Variants in NAALADL2 observed in about 807,000 individuals in gnomAD.
NAALADL2 encodes the protein N-acetylated alpha-linked acidic dipeptidase like 2, also known as inactive N-acetylated-alpha-linked acidic dipeptidase-like protein 2.
NAALADL2 carries 76 observed loss-of-function variants against 87.2 expected under a neutral mutation model. The observed-to-expected ratio is 0.87, with a 90% confidence interval of 0.72 to 1.05. NAALADL2 has a LOEUF of 1.05. NAALADL2 is among the 50% of genes least tolerant of loss of function. The pLI is 0.00. For synonymous variants in NAALADL2, 354 were observed against 331.0 expected, an observed-to-expected ratio of 1.07 and a Z score of -0.75; for missense variants, 1,089 against 945.8, an observed-to-expected ratio of 1.15 and a Z score of -1.99.
chr3:174,518,653 C>T (rs1184187708), intron 1 of NAALADL2, among the ~76,000 whole-genome samples: 2 of 152,082 alleles, frequency 1.3e-5, no homozygotes, highest in East Asian at 1.9e-4. Flanking sequence ...CATCTCTTGC[C>T]ATTCCTCTTT....
At chr3:174,541,725 A>C (rs1722247858) in intron 1 of NAALADL2, among the ~76,000 whole-genome samples, 1 of 152,168 alleles carries the variant, frequency 6.6e-6, no homozygotes, top group Non-Finnish European at 1.5e-5. Flanking sequence ...AATAGGCAGT[A>C]AAAAATAAAA....
At chr3:174,829,044 T>C (rs1052853016) in intron 3 of NAALADL2, among the ~76,000 whole-genome samples, 18 of 152,204 alleles carry the variant, frequency 1.2e-4, no homozygotes, top group Non-Finnish European at 4.4e-5. Flanking sequence ...GAGTTACATA[T>C]TGAACTATTA....
intron 2 of NAALADL2, among the ~76,000 whole-genome samples, chr3:174,589,078 G>A (rs545631350): frequency 5.9e-5 from 9 of 152,068 alleles, no homozygotes; most frequent in African/African-American, 1.2e-4. Context: ...CAGCAATGGC[G>A]GACACCCCTC....
chr3:175,779,047 G>T (rs959149886), intron 13 of NAALADL2, among the ~76,000 whole-genome samples: 1 of 152,176 alleles, frequency 6.6e-6, no homozygotes, highest in Non-Finnish European at 1.5e-5. Context: ...GTGGAAAAGC[G>T]GCAAGACAGA....
chr3:174,871,758 G>A (rs951469653), intron 1 of NAALADL2, among the ~76,000 whole-genome samples: 1 of 152,128 alleles, frequency 6.6e-6, no homozygotes, highest in Non-Finnish European at 1.5e-5. Flanking sequence ...AGTTAGCTGG[G>A]CGTGGTGGTG....
At chr3:175,101,840 A>G (rs1353098648) in intron 2 of NAALADL2, among the ~76,000 whole-genome samples, 1 of 150,868 alleles carries the variant, frequency 6.6e-6, no homozygotes, top group Non-Finnish European at 1.5e-5. Context: ...TTTTCTAATT[A>G]TGGCTAATAT....
intron 1 of NAALADL2, among the ~76,000 whole-genome samples, chr3:174,869,186 A>G (rs1727494555): frequency 6.6e-6 from 1 of 152,180 alleles, no homozygotes; most frequent in Non-Finnish European, 1.5e-5. Context: ...CTGGAGAATC[A>G]CTGGGAATGA....
chr3:175,085,260 T>G (rs907398902), intron 1 of NAALADL2, among the ~76,000 whole-genome samples: 1 of 152,192 alleles, frequency 6.6e-6, no homozygotes, highest in Non-Finnish European at 1.5e-5. Context: ...GTCGTTCTGA[T>G]GTTAACTTAC....
At chr3:174,767,209 T>C (rs1281690169) in intron 3 of NAALADL2, among the ~76,000 whole-genome samples, 1 of 152,170 alleles carries the variant, frequency 6.6e-6, no homozygotes, top group Non-Finnish European at 1.5e-5. Context: ...TAACAGTTGA[T>C]TGCAATGAAG....
intron 1 of NAALADL2, among the ~76,000 whole-genome samples, chr3:174,904,395 A>T (rs1012416567): frequency 8.6e-5 from 13 of 151,898 alleles, no homozygotes; most frequent in Non-Finnish European, 8.8e-5. Context: ...TATTTATCAG[A>T]TGGAAAGTGC....
chr3:175,690,333 G>A (rs896093698), intron 11 of NAALADL2, among the ~76,000 whole-genome samples: 2 of 151,944 alleles, frequency 1.3e-5, no homozygotes, highest in Non-Finnish European at 2.9e-5. Flanking sequence ...GTTAAGAGAG[G>A]AGAGAAATGA....
At chr3:175,122,459 T>C (rs773089939) in intron 2 of NAALADL2, among the ~76,000 whole-genome samples, 9 of 151,850 alleles carry the variant, frequency 5.9e-5, no homozygotes, top group Non-Finnish European at 1.0e-4. Flanking sequence ...ATAGGTGTAA[T>C]GAGACATTAA....
At chr3:174,556,369 TG>T (rs1386751499) in intron 2 of NAALADL2, among the ~76,000 whole-genome samples, 1 of 152,226 alleles carries the variant, frequency 6.6e-6, no homozygotes, top group Non-Finnish European at 1.5e-5. Context: ...GTAGCAGTTC[TG>T]TTCTTTTGCC....
At chr3:175,624,314 C>T (rs1374618868) in intron 10 of NAALADL2, among the ~76,000 whole-genome samples, 1 of 151,944 alleles carries the variant, frequency 6.6e-6, no homozygotes, top group East Asian at 1.9e-4. Flanking sequence ...GATCTTTATG[C>T]CAGACATTCC....
At chr3:175,224,307 G>T (rs1400910901) in intron 2 of NAALADL2, among the ~76,000 whole-genome samples, 2 of 152,116 alleles carry the variant, frequency 1.3e-5, no homozygotes, top group African/African-American at 4.8e-5. Context: ...TGCCCAGCAG[G>T]ATATGATAAG....
chr3:174,450,695 C>A lies in NAALADL2; in HGVS notation c.-184+9663C>A, dbSNP rs376740032. 9.9e-5 allele frequency among the ~76,000 whole-genome samples: 15 copies of A among 151,908 alleles called. No homozygotes were observed. In the East Asian group the frequency reaches 2.3e-3, roughly 24 times the overall value. ...GACCAGCCTGGCCAACATGGTGAAA[C>A]CCCGTCTCCACTAAAACTACAAAAA... On this transcript the variant is annotated intron_variant, in intron 1 of 3. Coordinates refer to the NAALADL2 transcript ENST00000434257.
chr3:174,767,674 A>G (rs1216495699), intron 3 of NAALADL2, among the ~76,000 whole-genome samples: 2 of 152,226 alleles, frequency 1.3e-5, no homozygotes, highest in African/African-American at 4.8e-5. Context: ...ATATTGGGAC[A>G]TGTTCATGTA....
intron 1 of NAALADL2, among the ~76,000 whole-genome samples, chr3:174,898,397 A>T (rs1579425286): frequency 6.6e-6 from 1 of 151,500 alleles, no homozygotes. Flanking sequence ...AATAATAAAT[A>T]AATTAATAAT....
At chr3:174,911,019 C>T (rs569999396) in intron 1 of NAALADL2, among the ~76,000 whole-genome samples, 1 of 152,242 alleles carries the variant, frequency 6.6e-6, no homozygotes, top group South Asian at 2.1e-4. Flanking sequence ...CACCACCTTA[C>T]CTGGCACACC....
Sources: gnomAD v4.1 joint callset for allele counts (sites outside exome capture counted in the v4.1 genomes callset) on GRCh38, gnomAD v4.1.1 for gene constraint, MANE v1.5 for transcripts, NCBI Gene and HGNC (gene_info 2026-07-23, HGNC 2026-07-21) for gene names.